Variants in ADRA1B observed in about 807,000 individuals in gnomAD.
ADRA1B encodes the protein adrenoceptor alpha 1B, also known as alpha-1B adrenergic receptor.
Under a neutral mutation model 17.9 loss-of-function variants are expected in ADRA1B, and 17 were observed. The ratio of observed to expected loss-of-function variants is 0.95; its 90% CI spans 0.65 to 1.42. The LOEUF (loss-of-function observed/expected upper bound fraction) is 1.42, where lower values mean the gene tolerates loss of function less well. Ranked by LOEUF, ADRA1B falls within the 40% of genes most tolerant of loss-of-function variation. ADRA1B has a pLI of 0.00. For missense variants in ADRA1B, 681 were observed against 722.1 expected (o/e 0.94, Z 0.65); for synonymous variants, 366 against 327.6 (o/e 1.12, Z -1.27).
intron 1 of ADRA1B, among the ~76,000 whole-genome samples, chr5:159,887,255 C>A (rs1386036962): frequency 6.6e-6 from 1 of 152,168 alleles, no homozygotes; most frequent in African/African-American, 2.4e-5. Context: ...TTATATCAAG[C>A]TATGTTAATG....
intron 1 of ADRA1B, chr5:159,947,991 G>C: frequency 1.0e-6 from 1 of 985,398 alleles, no homozygotes; most frequent in South Asian, 4.7e-5. Flanking sequence ...GAATTGATTT[G>C]ATCAATTACA....
chr5:159,955,140 G>C (rs1389951054), intron 1 of ADRA1B: 4 of 984,646 alleles, frequency 4.1e-6, no homozygotes, highest in Non-Finnish European at 4.8e-6. Flanking sequence ...GACAAGAAAG[G>C]GCTCTGGTGA....
chr5:159,987,332 G>A, the ADRA1B span, among the ~76,000 whole-genome samples: 4 of 152,364 alleles, frequency 2.6e-5, no homozygotes, highest in Admixed American at 2.6e-4. Flanking sequence ...GGCTCAGCGG[G>A]CCGGCGCCGC....
intron 1 of ADRA1B, chr5:159,947,909 C>T (rs1755321624): frequency 1.0e-6 from 1 of 985,344 alleles, no homozygotes; most frequent in Non-Finnish European, 1.2e-6. Context: ...GAGGGATTCA[C>T]ATTCTCTGGC....
intron 1 of ADRA1B, among the ~76,000 whole-genome samples, chr5:159,961,974 G>GC (rs1755671092): frequency 6.6e-6 from 1 of 152,204 alleles, no homozygotes; most frequent in South Asian, 2.1e-4. Flanking sequence ...GCTTTGGGAG[G>GC]CCGAGGCGAG....
At chr5:159,922,714 A>G (rs1754522143) in intron 1 of ADRA1B, among the ~76,000 whole-genome samples, 1 of 152,210 alleles carries the variant, frequency 6.6e-6, no homozygotes, top group South Asian at 2.1e-4. Flanking sequence ...TTGCCCTTCT[A>G]GTGATGTGGG....
At chr5:159,899,263 A>AAGGAAGGAAAG (rs1754070513) in intron 1 of ADRA1B, among the ~76,000 whole-genome samples, 1 of 106,412 alleles carries the variant, frequency 9.4e-6, no homozygotes, top group African/African-American at 3.8e-5. Context: ...AGGAAGGAAG[A>AAGGAAGGAAAG]AAGGAAGGAA....
chr5:159,939,284 T>A (rs200877175), intron 1 of ADRA1B, among the ~76,000 whole-genome samples: 49,266 of 94,216 alleles, frequency 0.52, 10,424 homozygotes, highest in East Asian at 0.62. Flanking sequence ...AGAGAGTGTG[T>A]GTGTGTGTGT....
intron 1 of ADRA1B, among the ~76,000 whole-genome samples, chr5:159,892,836 T>C (rs757933533): frequency 8.5e-5 from 13 of 152,240 alleles, no homozygotes; most frequent in South Asian, 6.2e-4. Context: ...TTCTATTCCT[T>C]TGGGCAGATA....
intron 1 of ADRA1B, among the ~76,000 whole-genome samples, chr5:159,967,531 T>C (rs1755796915): frequency 6.6e-6 from 1 of 152,206 alleles, no homozygotes; most frequent in Non-Finnish European, 1.5e-5. Flanking sequence ...TCACAGTAAC[T>C]CTATGACATA....
intron 1 of ADRA1B, among the ~76,000 whole-genome samples, chr5:159,919,030 TA>T (rs1754405593): frequency 1.3e-5 from 2 of 152,106 alleles, no homozygotes; most frequent in African/African-American, 4.8e-5. Context: ...CAAACAGCTA[TA>T]AATTCTGAAG....
chr5:159,928,283 T>A (rs1754715076), intron 1 of ADRA1B, among the ~76,000 whole-genome samples: 1 of 152,140 alleles, frequency 6.6e-6, no homozygotes, highest in Non-Finnish European at 1.5e-5. Flanking sequence ...TCACCCCTCC[T>A]GGCATGACAG....
chr5:159,952,606 C>T (rs535821033), intron 1 of ADRA1B, among the ~76,000 whole-genome samples: 1 of 152,242 alleles, frequency 6.6e-6, no homozygotes, highest in South Asian at 2.1e-4. Flanking sequence ...TTATAAGTGT[C>T]GATTTCAACA....
rs370397055 is a variant in ADRA1B at position 159,940,235 on chromosome 5, ACTT to A, written c.949+22385_949+22387del. 3.9e-3 allele frequency among the ~76,000 whole-genome samples: 595 copies of A among 152,314 alleles called. 2 individuals are homozygous for A. The highest frequency in any genetic ancestry group is 0.013 in the African/African-American group (553 of 41,554). ...AATCTTCTTCTAGACTTATCTGTGC[ACTT>A]CTTTGTAAAACCCAGTTTTAGGAAG... On this transcript the variant is annotated intron_variant, in intron 1 of 1. Coordinates refer to ENST00000306675, the MANE Select transcript of ADRA1B (RefSeq NM_000679.4).
At chr5:159,893,891 G>A (rs1229944402) in intron 1 of ADRA1B, among the ~76,000 whole-genome samples, 1 of 152,214 alleles carries the variant, frequency 6.6e-6, no homozygotes, top group Non-Finnish European at 1.5e-5. Flanking sequence ...ACCAGTCTCT[G>A]GGAGTTTAAG....
At chr5:159,949,417 TG>T (rs1301100891) in intron 1 of ADRA1B, among the ~76,000 whole-genome samples, 1 of 152,224 alleles carries the variant, frequency 6.6e-6, no homozygotes, top group Non-Finnish European at 1.5e-5. Context: ...AGGGAAGCTA[TG>T]AAACAGCTAC....
chr5:159,903,464 T>C (rs1754124778), intron 1 of ADRA1B, among the ~76,000 whole-genome samples: 1 of 152,154 alleles, frequency 6.6e-6, no homozygotes, highest in Non-Finnish European at 1.5e-5. Flanking sequence ...TTAGTAGGAG[T>C]AGTGGTATAT....
intron 1 of ADRA1B, among the ~76,000 whole-genome samples, chr5:159,883,434 A>G (rs1753884880): frequency 1.3e-5 from 2 of 152,232 alleles, no homozygotes; most frequent in African/African-American, 2.4e-5. Context: ...CTATCCAAGA[A>G]TTAGACTCAA....
intron 1 of ADRA1B, among the ~76,000 whole-genome samples, chr5:159,930,520 A>G (rs1256186651): frequency 1.3e-5 from 2 of 152,238 alleles, no homozygotes; most frequent in East Asian, 3.8e-4. Flanking sequence ...CGGAGGTTGC[A>G]GTGAGCTGAG....
Sources: allele counts gnomAD v4.1 joint callset (sites outside exome capture counted in the v4.1 genomes callset), GRCh38; gene constraint gnomAD v4.1.1; transcripts MANE v1.5; gene names NCBI Gene and HGNC (gene_info 2026-07-23, HGNC 2026-07-21).